The following CSMD1 variants were observed in gnomAD, a reference collection of about 807,000 sequenced individuals.
The protein encoded by CSMD1 is CUB and sushi domain-containing protein 1.
CSMD1 carries 213 observed loss-of-function variants against 417.5 expected under a neutral mutation model. That is an observed-to-expected ratio of 0.51 (90% CI 0.46 to 0.57). CSMD1 has a LOEUF of 0.57. CSMD1 is among the 20% of genes least tolerant of loss of function. The pLI is 0.00. For missense variants in CSMD1, 6,923 were observed against 4,529.7 expected (o/e 1.53, Z -15.17); for synonymous variants, 2,862 against 1,736.8 (o/e 1.65, Z -16.11).
chr8:4,217,265 G>T (rs998475546), intron 3 of CSMD1, among the ~76,000 whole-genome samples: 3 of 152,170 alleles, frequency 2.0e-5, no homozygotes, highest in African/African-American at 4.8e-5. Context: ...TTTAGAATTT[G>T]CAGAAGTCTT....
At chr8:4,755,604 G>T (rs935849698) in intron 1 of CSMD1, among the ~76,000 whole-genome samples, 1 of 152,080 alleles carries the variant, frequency 6.6e-6, no homozygotes, top group Non-Finnish European at 1.5e-5. Flanking sequence ...TTATCAGATG[G>T]AAAGTTACTT....
rs543055421 is a variant in CSMD1, at chr8:3,843,561, A to C, written c.819-89519T>G. Among the ~76,000 whole-genome samples, 35 of 152,314 alleles carry C rather than the reference A, an allele frequency of 2.3e-4. 1 individual carries two copies. The South Asian group carries it at 6.8e-3, about 30-fold the overall frequency. ...GTAAAAAAAAAACAAGTTATTCACG[A>C]TGCTTTTATGTCAATGCATCCAGTT... On this transcript the variant is annotated intron_variant, in intron 5 of 69. Coordinates refer to ENST00000635120, the MANE Select transcript of CSMD1 (RefSeq NM_033225.6).
chr8:4,845,018 A>C (rs1016923736), intron 1 of CSMD1, among the ~76,000 whole-genome samples: 1 of 152,164 alleles, frequency 6.6e-6, no homozygotes, highest in Non-Finnish European at 1.5e-5. Context: ...AATACTTAGC[A>C]TTTTACATGC....
intron 3 of CSMD1, among the ~76,000 whole-genome samples, chr8:4,216,333 C>G (rs1006231634): frequency 2.0e-5 from 3 of 152,136 alleles, no homozygotes; most frequent in Non-Finnish European, 2.9e-5. Flanking sequence ...TGCAGGGATG[C>G]TTTCAGTTCC....
chr8:3,258,500 G>A (rs56879004), intron 26 of CSMD1, among the ~76,000 whole-genome samples: 35,379 of 152,128 alleles, frequency 0.23, 4,529 homozygotes, highest in Admixed American at 0.27. Context: ...TTGTGCAAAT[G>A]TAAATTAGTT....
At chr8:3,868,773 T>C (rs927150069) in intron 5 of CSMD1, among the ~76,000 whole-genome samples, 2 of 152,198 alleles carry the variant, frequency 1.3e-5, no homozygotes, top group African/African-American at 4.8e-5. Context: ...CAATTTCTGT[T>C]CGCTATACCT....
chr8:3,432,114 C>G (rs1316755065), intron 12 of CSMD1, among the ~76,000 whole-genome samples: 2 of 152,096 alleles, frequency 1.3e-5, no homozygotes, highest in Non-Finnish European at 2.9e-5. Context: ...TAGTTATCAA[C>G]CAACAACTTA....
intron 2 of CSMD1, among the ~76,000 whole-genome samples, chr8:4,433,236 T>C (rs1453786435): frequency 6.6e-6 from 1 of 152,216 alleles, no homozygotes; most frequent in African/African-American, 2.4e-5. Context: ...AAGTGCATTA[T>C]AAATGTACTA....
chr8:3,270,296 T>A (rs950043104), intron 26 of CSMD1, among the ~76,000 whole-genome samples: 2 of 152,112 alleles, frequency 1.3e-5, no homozygotes, highest in Admixed American at 1.3e-4. Context: ...GACCTTGTGA[T>A]CCGTCTGCCT....
rs114002802 is a variant in CSMD1 at position 4,075,839 on chromosome 8, G to A, written c.416-43740C>T. On this transcript the variant is annotated intron_variant, in intron 3 of 69. Coordinates refer to ENST00000635120, the MANE Select transcript of CSMD1 (RefSeq NM_033225.6). Reference sequence around the variant, plus strand: ...GGTTGTCAGAGTGAAAAAGGAAGCAGGCTATTGTCCTCAGGGAGCCAGTTC... The same window carrying A: ...GGTTGTCAGAGTGAAAAAGGAAGCAAGCTATTGTCCTCAGGGAGCCAGTTC... Among the ~76,000 whole-genome samples the A allele has an allele frequency of 5.3e-3, 806 of 152,256 alleles. 7 individuals are homozygous for A. The highest frequency in any genetic ancestry group is 0.018 in the African/African-American group (768 of 41,546).
At chr8:4,715,303 G>A (rs1302302428) in intron 1 of CSMD1, among the ~76,000 whole-genome samples, 2 of 152,166 alleles carry the variant, frequency 1.3e-5, no homozygotes, top group African/African-American at 4.8e-5. Flanking sequence ...AATTTGACAT[G>A]ATTTCTGTTT....
At chr8:4,582,719 C>T (rs2130702448) in intron 2 of CSMD1, among the ~76,000 whole-genome samples, 1 of 152,350 alleles carries the variant, frequency 6.6e-6, no homozygotes, top group East Asian at 1.9e-4. Context: ...TGGGCTCCCA[C>T]TTTGGTGGCA....
At chr8:4,793,304 A>C (rs979796038) in intron 1 of CSMD1, among the ~76,000 whole-genome samples, 1 of 152,206 alleles carries the variant, frequency 6.6e-6, no homozygotes, top group African/African-American at 2.4e-5. Flanking sequence ...CTATTCTCTC[A>C]AATGATAACA....
chr8:4,382,093 T>A (rs1008996027), intron 3 of CSMD1, among the ~76,000 whole-genome samples: 2 of 152,166 alleles, frequency 1.3e-5, no homozygotes, highest in Non-Finnish European at 2.9e-5. Flanking sequence ...TCTTGACACA[T>A]AGCACTGTAA....
intron 1 of CSMD1, among the ~76,000 whole-genome samples, chr8:4,869,099 T>A (rs151028267): frequency 6.6e-6 from 1 of 152,048 alleles, no homozygotes; most frequent in Non-Finnish European, 1.5e-5. Context: ...AATTTCTCAT[T>A]GTATTATTTT....
intron 7 of CSMD1, among the ~76,000 whole-genome samples, chr8:3,703,201 C>T (rs4875773): frequency 0.49 from 74,872 of 151,960 alleles, 18,531 homozygotes; most frequent in Admixed American, 0.58. Flanking sequence ...TCGCCCTCAC[C>T]GCACAGAAGA....
intron 8 of CSMD1, among the ~76,000 whole-genome samples, chr8:3,586,852 T>C (rs1800624304): frequency 6.6e-6 from 1 of 152,194 alleles, no homozygotes; most frequent in African/African-American, 2.4e-5. Context: ...CAGGCTGGAG[T>C]GCAGTGGCAC....
intron 37 of CSMD1, among the ~76,000 whole-genome samples, chr8:3,169,807 A>AC (rs952456296): frequency 3.3e-5 from 5 of 151,916 alleles, no homozygotes; most frequent in African/African-American, 1.2e-4. Context: ...AATTCCAAGT[A>AC]CCCCCCACTT....
intron 2 of CSMD1, among the ~76,000 whole-genome samples, chr8:4,492,962 A>G (rs1334931611): frequency 6.6e-6 from 1 of 152,232 alleles, no homozygotes; most frequent in East Asian, 1.9e-4. Flanking sequence ...AATTGATTTG[A>G]GTCTAGTTAA....
Sources: allele counts gnomAD v4.1 joint callset (sites outside exome capture counted in the v4.1 genomes callset), GRCh38; gene constraint gnomAD v4.1.1; transcripts MANE v1.5; gene names NCBI Gene and HGNC (gene_info 2026-07-23, HGNC 2026-07-21).